Variants in EYS observed in about 807,000 individuals in gnomAD.
The protein encoded by EYS is protein eyes shut homolog.
EYS carries 250 observed loss-of-function variants against 282.1 expected under a neutral mutation model. The ratio of observed to expected loss-of-function variants is 0.89; its 90% CI spans 0.80 to 0.98. The LOEUF is 0.98. Ranked by LOEUF, EYS falls within the 50% of genes least tolerant of loss-of-function variation. The pLI is 0.00. For synonymous variants in EYS, 1,355 were observed against 1,282.9 expected, an observed-to-expected ratio of 1.06 and a Z score of -1.20; for missense variants, 4,016 against 3,709.0, an observed-to-expected ratio of 1.08 and a Z score of -2.15.
At position 64,402,954 on chromosome 6, in the gene EYS, GATTA is replaced by G. The variant is rs1176722104; in HGVS notation, c.5928-14118_5928-14115del. Among the ~76,000 whole-genome samples, 51 of 151,950 alleles carry G rather than the reference GATTA, an allele frequency of 3.4e-4. 1 individual carries two copies. The highest frequency in any genetic ancestry group is 1.6e-4 in the Non-Finnish European group (11 of 68,000). On this transcript the variant is annotated intron_variant, in intron 28 of 42. Coordinates refer to ENST00000503581, the MANE Select transcript of EYS (RefSeq NM_001142800.2). ...AATATGTTTTTGCATTTGTGATTGA[GATTA>G]ATTATCAGTGATATGGTTAATACTC...
At chr6:64,635,100 T>A (rs1582979830) in intron 22 of EYS, among the ~76,000 whole-genome samples, 1 of 152,142 alleles carries the variant, frequency 6.6e-6, no homozygotes, top group East Asian at 1.9e-4. Flanking sequence ...GAATGGGAGT[T>A]CACTCATGAT....
intron 19 of EYS, among the ~76,000 whole-genome samples, chr6:64,827,369 A>G (rs948518705): frequency 1.3e-5 from 2 of 151,796 alleles, no homozygotes; most frequent in African/African-American, 2.4e-5. Flanking sequence ...GGGTTTATTT[A>G]TTTGAATTAC....
chr6:63,857,660 C>T, intron 36 of EYS: 1 of 449,508 alleles, frequency 2.2e-6, no homozygotes, highest in South Asian at 1.7e-5. Flanking sequence ...GAACTGGATG[C>T]TACTCAAGCA....
At chr6:64,319,556 T>A (rs1582591810) in intron 29 of EYS, among the ~76,000 whole-genome samples, 1 of 152,002 alleles carries the variant, frequency 6.6e-6, no homozygotes, top group Non-Finnish European at 1.5e-5. Flanking sequence ...CAGATTTTTT[T>A]AAAACAAAGC....
intron 30 of EYS, among the ~76,000 whole-genome samples, chr6:64,302,631 A>G (rs1582564011): frequency 6.6e-6 from 1 of 151,984 alleles, no homozygotes; most frequent in Non-Finnish European, 1.5e-5. Flanking sequence ...ATCTCAAATA[A>G]CCCCCAAGGA....
chr6:63,979,827 T>C (rs1310557036), intron 35 of EYS, among the ~76,000 whole-genome samples: 1 of 151,886 alleles, frequency 6.6e-6, no homozygotes, highest in Non-Finnish European at 1.5e-5. Flanking sequence ...AAAATTCTAG[T>C]ACAGATTTAT....
chr6:64,041,041 G>T (rs1770365556), intron 33 of EYS, among the ~76,000 whole-genome samples: 1 of 152,124 alleles, frequency 6.6e-6, no homozygotes, highest in East Asian at 1.9e-4. Flanking sequence ...TTTAAACATG[G>T]TCATTTACTA....
intron 5 of EYS, among the ~76,000 whole-genome samples, chr6:65,484,044 A>G (rs1049004076): frequency 6.6e-6 from 1 of 152,126 alleles, no homozygotes; most frequent in Non-Finnish European, 1.5e-5. Context: ...GTCAAGCCAT[A>G]TCCGATGGAT....
chr6:65,213,844 T>A (rs1310787290), intron 12 of EYS, among the ~76,000 whole-genome samples: 1 of 151,828 alleles, frequency 6.6e-6, no homozygotes, highest in Non-Finnish European at 1.5e-5. Context: ...AAGCTAGAAA[T>A]AATTAAGCAT....
chr6:64,646,349 T>C (rs1285874033), intron 22 of EYS, among the ~76,000 whole-genome samples: 2 of 152,180 alleles, frequency 1.3e-5, no homozygotes, highest in Non-Finnish European at 2.9e-5. Context: ...AAGTGAATCA[T>C]TCATTGGATT....
intron 31 of EYS, among the ~76,000 whole-genome samples, chr6:64,216,120 CAGAT>C (rs1478844167): frequency 1.3e-5 from 2 of 152,032 alleles, no homozygotes; most frequent in African/African-American, 2.4e-5. Flanking sequence ...GGACACATGT[CAGAT>C]AAATAAATGT....
chr6:65,577,372 T>C (rs1046541956), intron 2 of EYS, among the ~76,000 whole-genome samples: 1 of 151,878 alleles, frequency 6.6e-6, no homozygotes, highest in East Asian at 1.9e-4. Context: ...GAAAACTGGA[T>C]ATCCCTATGC....
intron 30 of EYS, among the ~76,000 whole-genome samples, chr6:64,236,518 T>C (rs1562265962): frequency 6.6e-6 from 1 of 152,152 alleles, no homozygotes; most frequent in African/African-American, 2.4e-5. Flanking sequence ...CAAAGAGGCT[T>C]CACCGTTTTA....
intron 13 of EYS, among the ~76,000 whole-genome samples, chr6:65,022,042 G>A (rs763448268): frequency 3.3e-5 from 5 of 152,144 alleles, no homozygotes; most frequent in Admixed American, 6.5e-5. Flanking sequence ...AATTCAAGAT[G>A]AGATATGGGT....
intron 2 of EYS, among the ~76,000 whole-genome samples, chr6:65,589,376 C>A (rs1379771500): frequency 6.6e-6 from 1 of 152,004 alleles, no homozygotes; most frequent in Non-Finnish European, 1.5e-5. Context: ...CTGCAATTAT[C>A]TTTTTCTTCT....
intron 35 of EYS, among the ~76,000 whole-genome samples, chr6:63,941,430 G>A (rs1431572804): frequency 6.6e-6 from 1 of 152,112 alleles, no homozygotes; most frequent in East Asian, 1.9e-4. Context: ...TTCTCTGATG[G>A]CCAGTGATGA....
intron 2 of EYS, among the ~76,000 whole-genome samples, chr6:65,534,812 C>T (rs552172052): frequency 6.6e-6 from 1 of 152,248 alleles, no homozygotes; most frequent in East Asian, 1.9e-4. Flanking sequence ...GTGATAATTC[C>T]TGACTCCATT....
intron 15 of EYS, among the ~76,000 whole-genome samples, chr6:64,913,314 T>C (rs1768059584): frequency 6.6e-6 from 1 of 152,120 alleles, no homozygotes; most frequent in Non-Finnish European, 1.5e-5. Context: ...ACAGATACAT[T>C]GCATAATGCT....
At chr6:64,665,066 A>G (rs1420985914) in intron 22 of EYS, among the ~76,000 whole-genome samples, 1 of 152,236 alleles carries the variant, frequency 6.6e-6, no homozygotes, top group Non-Finnish European at 1.5e-5. Flanking sequence ...ATATGTGGGA[A>G]TGTGTAAACA....
Sources: allele counts gnomAD v4.1 joint callset (sites outside exome capture counted in the v4.1 genomes callset), GRCh38; gene constraint gnomAD v4.1.1; transcripts MANE v1.5; gene names NCBI Gene and HGNC (gene_info 2026-07-23, HGNC 2026-07-21).